Variants in RANBP9 observed in about 807,000 individuals in gnomAD.
RANBP9 encodes ran-binding protein 9.
RANBP9 carries 15 observed loss-of-function variants against 84.3 expected under a neutral mutation model. The ratio of observed to expected loss-of-function variants is 0.18; its 90% CI spans 0.12 to 0.27. RANBP9 has a LOEUF of 0.27. Ranked by LOEUF, RANBP9 falls within the 10% of genes least tolerant of loss-of-function variation. The pLI is 1.00. For synonymous variants in RANBP9, 392 were observed against 349.6 expected (o/e 1.12, Z -1.35); for missense variants, 809 against 912.8 (o/e 0.89, Z 1.46).
intron 5 of RANBP9, among the ~76,000 whole-genome samples, chr6:13,646,500 A>G (rs1765178110): frequency 6.6e-6 from 1 of 152,218 alleles, no homozygotes; most frequent in South Asian, 2.1e-4. Context: ...CATATAAGCC[A>G]AACACAATTG....
intron 10 of RANBP9, among the ~76,000 whole-genome samples, chr6:13,634,982 T>A (rs1180611237): frequency 6.6e-6 from 1 of 151,960 alleles, no homozygotes; most frequent in Non-Finnish European, 1.5e-5. Context: ...AACAAATACA[T>A]CTCACTCCTG....
chr6:13,641,600 A>C (rs571491174), intron 7 of RANBP9, among the ~76,000 whole-genome samples: 360 of 152,282 alleles, frequency 2.4e-3, no homozygotes, highest in African/African-American at 8.2e-3. Context: ...CTGAGATTAA[A>C]AAGACTGTTT....
At chr6:13,636,639 C>A (rs950447351) in intron 10 of RANBP9, among the ~76,000 whole-genome samples, 1 of 152,216 alleles carries the variant, frequency 6.6e-6, no homozygotes, top group Non-Finnish European at 1.5e-5. Context: ...AAGTACTTAA[C>A]TTTTTACATT....
intron 2 of RANBP9, among the ~76,000 whole-genome samples, chr6:13,679,167 T>C (rs1380113614): frequency 6.6e-6 from 1 of 152,208 alleles, no homozygotes; most frequent in Non-Finnish European, 1.5e-5. Flanking sequence ...TAAAGAATCA[T>C]GAAAAACAGA....
At position 13,655,826 on chromosome 6, in the gene RANBP9, A is replaced by T. The variant is rs144088286; in HGVS notation, c.904+1283T>A. Among the ~76,000 whole-genome samples the T allele has an allele frequency of 6.0e-3, 919 of 152,318 alleles. 8 individuals carry two copies. The highest frequency in any genetic ancestry group is 0.021 in the African/African-American group (886 of 41,578). On this transcript the variant is annotated intron_variant, in intron 4 of 13. Transcript: ENST00000011619. ...AGTCAAGCCAACTAAGATTATATGA[A>T]CAGTCAGAATAGTAACAACAAATAA...
At position 13,711,029 on chromosome 6, in the gene RANBP9, G is replaced by A. The variant is rs751534362; in HGVS notation, c.477C>T (p.Asp159=). The A allele has an allele frequency of 3.7e-6, 6 of 1,600,858 alleles. No individual in the cohort carries two copies. The highest frequency in any genetic ancestry group is 2.6e-6 in the Non-Finnish European group (3 of 1,174,450). The change falls in exon 1 of 14, where the codon GAC becomes GAT. Residue 159 remains aspartate (D), a synonymous_variant. Transcript: ENST00000011619. ...ACCGAGGCAGCGGCGTCTCTTGTTC[G>A]TCCACGGCCGGGTAGAGACGCTTCA... The part of the protein sequence containing the change: ...RRLKRLYPAV[D]EQETPLPRSW...
chr6:13,644,879 TA>T, intron 5 of RANBP9, 150 bp from the exon 6 acceptor site: 1 of 669,750 alleles, frequency 1.5e-6, no homozygotes, highest in Non-Finnish European at 2.3e-6. Flanking sequence ...ACAAATGATC[TA>T]AAATACATTA....
intron 1 of RANBP9, among the ~76,000 whole-genome samples, chr6:13,708,300 C>T (rs1758179024): frequency 6.6e-6 from 1 of 152,070 alleles, no homozygotes; most frequent in South Asian, 2.1e-4. Flanking sequence ...GTGACAGGAG[C>T]CTGTGGTCCC....
chr6:13,670,801 G>GAAAAAAAA, intron 2 of RANBP9, among the ~76,000 whole-genome samples: 1 of 56,770 alleles, frequency 1.8e-5, no homozygotes, highest in African/African-American at 6.0e-5. Context: ...TTCCATCTTA[G>GAAAAAAAA]AAAAAAAAAA....
rs1679987110 is a variant in RANBP9 at position 13,655,342 on chromosome 6, T to C, written c.904+1767A>G. ...CAAAAATTAGCTGGGGGTGATGGCGTGCCTATAATCCCAGCTATTCAGGAG... is the reference window on the plus strand; with the variant it reads ...CAAAAATTAGCTGGGGGTGATGGCGCGCCTATAATCCCAGCTATTCAGGAG... On this transcript the variant is annotated intron_variant, in intron 4 of 13. Coordinates refer to ENST00000011619, the MANE Select transcript of RANBP9 (RefSeq NM_005493.3). Among the ~76,000 whole-genome samples the C allele has an allele frequency of 1.3e-5, 2 of 152,096 alleles. 1 individual carries two copies. The highest frequency in any genetic ancestry group is 4.1e-4 in the South Asian group (2 of 4,826).
At chr6:13,667,466 T>TA (rs1765676566) in intron 2 of RANBP9, among the ~76,000 whole-genome samples, 1 of 152,202 alleles carries the variant, frequency 6.6e-6, no homozygotes, top group Admixed American at 6.5e-5. Flanking sequence ...GAAACACTTT[T>TA]AAAAACCTAT....
chr6:13,628,626 A>G lies in RANBP9; in HGVS notation c.1948-2862T>C, dbSNP rs112657797. Among the ~76,000 whole-genome samples, 255 of 152,276 alleles carry G rather than the reference A, an allele frequency of 1.7e-3. 2 individuals carry two copies. The highest frequency in any genetic ancestry group is 2.8e-3 in the Non-Finnish European group (190 of 68,036). On this transcript the variant is annotated intron_variant, in intron 12 of 13. Transcript: ENST00000011619. ...AGCAACAAAACTAACAGAGCCTTAA[A>G]AATAAAAAATGGTTTATACCATCAA...
At chr6:13,657,606 G>T (rs376668434) in intron 3 of RANBP9, among the ~76,000 whole-genome samples, 48 of 152,208 alleles carry the variant, frequency 3.2e-4, no homozygotes, top group Middle Eastern at 3.4e-3. Context: ...AAATAATTTT[G>T]TTTTGATTTA....
Position 13,682,876 on chromosome 6 carries a change from T to C in RANBP9, c.683+13909A>G, listed in dbSNP as rs561521549. 1.4e-4 allele frequency among the ~76,000 whole-genome samples: 21 copies of C among 152,320 alleles called. No homozygotes were observed. In the East Asian group the frequency reaches 1.5e-3, roughly 11 times the overall value. ...AAACTCTGCAACTCATGAACTCACT[T>C]TGAAATGCATTTTAAAAAGATGGGG... On this transcript the variant is annotated intron_variant, in intron 2 of 13. Coordinates refer to ENST00000011619, the MANE Select transcript of RANBP9 (RefSeq NM_005493.3).
At chr6:13,672,745 T>A (rs1348543917) in intron 2 of RANBP9, among the ~76,000 whole-genome samples, 1 of 151,914 alleles carries the variant, frequency 6.6e-6, no homozygotes, top group Non-Finnish European at 1.5e-5. Context: ...ACATTTTAAA[T>A]AACTCATTAA....
At position 13,652,639 on chromosome 6, in the gene RANBP9, G is replaced by C; in HGVS notation, c.927+20C>G. 1 of 1,561,404 alleles carries C rather than the reference G, an allele frequency of 6.4e-7. No homozygotes were observed. On this transcript the variant is annotated intron_variant, in intron 5 of 13. Coordinates refer to ENST00000011619, the MANE Select transcript of RANBP9 (RefSeq NM_005493.3). Reference sequence around the variant, plus strand: ...TTCCTGTAATTAAAAATGGAAAACTGCTTTTAAAAAAAGTCTTACCGGTAG... The same window carrying C: ...TTCCTGTAATTAAAAATGGAAAACTCCTTTTAAAAAAAGTCTTACCGGTAG...
rs903249076 is a variant in RANBP9, at chr6:13,711,355, G to A, written c.151C>T (p.Pro51Ser). 4.4e-5 allele frequency: 50 copies of A among 1,148,342 alleles called. No homozygotes were observed. Among genetic ancestry groups the A allele is most frequent in the Admixed American group, 1.9e-4 (4 of 20,818 alleles). The allele number at this position is 1,148,342 out of a possible 1,614,324, so 71.1% of individuals were successfully genotyped here. A position where few individuals can be genotyped will look rare whatever the true frequency, so the allele number is the denominator to read the frequency against. ...VSAGSSPAGS[P>S]GGGAGGEGLG... ...CCTTCGCCGCCCGCACCGCCGCCGGGCGAGCCGGCCGGAGAAGAGCCGGCG... is the reference window on the plus strand; with the variant it reads ...CCTTCGCCGCCCGCACCGCCGCCGGACGAGCCGGCCGGAGAAGAGCCGGCG... The change falls in exon 1 of 14, where the codon CCC becomes TCC. Residue 51 changes from proline (P) to serine (S), a missense_variant. By Grantham distance (74) the Pro-to-Ser change is moderately conservative (BLOSUM62 -1). Coordinates refer to ENST00000011619, the MANE Select transcript of RANBP9 (RefSeq NM_005493.3).
chr6:13,709,983 G>A (rs1385606444), intron 1 of RANBP9, among the ~76,000 whole-genome samples: 1 of 152,134 alleles, frequency 6.6e-6, no homozygotes, highest in Non-Finnish European at 1.5e-5. Flanking sequence ...AGACTGATAC[G>A]TTAGGTTGAT....
rs1765054687 is a variant in RANBP9, at chr6:13,641,215, G to A, written c.1318C>T (p.Leu440Phe). Residue 440 changes from leucine to phenylalanine, a missense_variant, in exon 8 of 14, where the codon CTC (leucine) becomes TTC (phenylalanine). Physicochemically the swap from Leu to Phe is conservative, Grantham distance 22 (BLOSUM62 0). Coordinates refer to ENST00000011619, the MANE Select transcript of RANBP9 (RefSeq NM_005493.3). ...YPSLLERNPN[L>F]LFTLKVRQFI... is the part of the protein sequence containing the mutation. ...CAAACTCACTTTAATGTGAAAAGGA[G>A]ATTAGGATTTCTTTCAAGTAAACTT... 3 of 1,572,476 alleles carry A rather than the reference G, an allele frequency of 1.9e-6. No homozygotes were observed. The highest frequency in any genetic ancestry group is 2.6e-6 in the Non-Finnish European group (3 of 1,151,192).
Sources: allele counts gnomAD v4.1 joint callset (sites outside exome capture counted in the v4.1 genomes callset), GRCh38; gene constraint gnomAD v4.1.1; transcripts MANE v1.5; gene names NCBI Gene and HGNC (gene_info 2026-07-23, HGNC 2026-07-21).